The following GSG1L variants were observed in gnomAD, a reference collection of about 807,000 sequenced individuals.
GSG1L encodes the protein GSG1 like, also known as germ cell-specific gene 1-like protein.
A neutral mutation model predicts 42.1 loss-of-function variants in GSG1L; 24 were observed. The ratio of observed to expected loss-of-function variants is 0.57; its 90% CI spans 0.41 to 0.80. GSG1L has a LOEUF of 0.80. GSG1L is among the 30% of genes least tolerant of loss of function. The pLI is 0.00. For synonymous variants in GSG1L, 215 were observed against 203.5 expected (o/e 1.06, Z -0.48); for missense variants, 445 against 472.2 (o/e 0.94, Z 0.53).
At chr16:28,031,346 TGGATGAGATGGGATGGGGTG>T (rs2085961627) in intron 1 of GSG1L, among the ~76,000 whole-genome samples, 1 of 73,392 alleles carries the variant, frequency 1.4e-5, no homozygotes, top group Non-Finnish European at 2.6e-5. Context: ...GGGATGGGAT[TGGATGAGATGGGATGGGGTG>T]GGATGAGATG....
At chr16:27,908,199 C>T (rs13331007) in intron 2 of GSG1L, among the ~76,000 whole-genome samples, 60,803 of 152,216 alleles carry the variant, frequency 0.4, 13,982 homozygotes, top group East Asian at 0.6. Context: ...GGATGAAGGA[C>T]CCACTGGGCA....
intron 1 of GSG1L, among the ~76,000 whole-genome samples, chr16:28,053,721 G>A (rs987668579): frequency 6.6e-6 from 1 of 152,096 alleles, no homozygotes. Flanking sequence ...GTGAGTGCAC[G>A]TGCACATGTG....
intron 1 of GSG1L, among the ~76,000 whole-genome samples, chr16:28,057,688 C>A (rs935807707): frequency 6.6e-6 from 1 of 152,202 alleles, no homozygotes; most frequent in Admixed American, 6.5e-5. Flanking sequence ...GTCCCATTTA[C>A]CAAGTGCTGG....
chr16:27,890,570 G>C (rs1468458797), intron 2 of GSG1L, among the ~76,000 whole-genome samples: 2 of 152,210 alleles, frequency 1.3e-5, no homozygotes. Flanking sequence ...TCAGTGGGCT[G>C]TGCACCTATG....
At chr16:27,898,984 G>C (rs2084225185) in intron 2 of GSG1L, among the ~76,000 whole-genome samples, 1 of 152,170 alleles carries the variant, frequency 6.6e-6, no homozygotes. Context: ...CACCACAAAG[G>C]CTGAGGGCTA....
chr16:27,897,156 G>T (rs767604613), intron 2 of GSG1L, among the ~76,000 whole-genome samples: 1 of 152,166 alleles, frequency 6.6e-6, no homozygotes, highest in South Asian at 2.1e-4. Context: ...GGGCCACCAC[G>T]CCCAGCCAAC....
intron 3 of GSG1L, among the ~76,000 whole-genome samples, chr16:27,850,307 G>C (rs576343312): frequency 6.6e-6 from 1 of 152,100 alleles, no homozygotes; most frequent in Non-Finnish European, 1.5e-5. Context: ...GAATACAGGC[G>C]TGAGCCACCG....
At chr16:27,967,827 C>T (rs1252603677) in intron 1 of GSG1L, among the ~76,000 whole-genome samples, 1 of 152,092 alleles carries the variant, frequency 6.6e-6, no homozygotes, top group Non-Finnish European at 1.5e-5. Flanking sequence ...GCAGGAGAAT[C>T]GCTTGAATAT....
chr16:27,932,237 G>A (rs943784494), intron 2 of GSG1L, among the ~76,000 whole-genome samples: 10 of 152,142 alleles, frequency 6.6e-5, no homozygotes, highest in Non-Finnish European at 1.2e-4. Context: ...ATTTTTAGTA[G>A]AGATGGGGTT....
rs147981589 is a variant in GSG1L at position 27,794,399 on chromosome 16, C to T, written c.899-2932G>A. 1.4e-4 allele frequency among the ~76,000 whole-genome samples: 22 copies of T among 151,746 alleles called. No homozygotes were observed. The East Asian group carries it at 3.7e-3, about 25-fold the overall frequency. Reference sequence around the variant, plus strand: ...AGGCTGGAGTGCAGTGGCGCGATCTCGGCTCACTGCCAGCTCCGCTTCCCG... The same window carrying T: ...AGGCTGGAGTGCAGTGGCGCGATCTTGGCTCACTGCCAGCTCCGCTTCCCG... On this transcript the variant is annotated intron_variant, in intron 6 of 6. Transcript: ENST00000447459.
chr16:27,806,097 T>C lies in GSG1L; in HGVS notation c.898+1390A>G, dbSNP rs547370900. Among the ~76,000 whole-genome samples the C allele has an allele frequency of 4.6e-5, 7 of 152,176 alleles. No homozygotes were observed. The East Asian group carries it at 1.2e-3, about 25-fold the overall frequency. ...CGTCTCTGATGATTTCTTCACTCTG[T>C]TGTCCCTGCAGGAGGAGTTCTCCAA... On this transcript the variant is annotated intron_variant, in intron 6 of 6. Transcript: ENST00000447459.
intron 4 of GSG1L, among the ~76,000 whole-genome samples, chr16:27,836,230 A>AT (rs2083319030): frequency 6.9e-6 from 1 of 144,642 alleles, no homozygotes; most frequent in African/African-American, 2.6e-5. Flanking sequence ...TGTTGCTTGA[A>AT]TTTTTTCCCC....
intron 4 of GSG1L, 63 bp from the exon 5 acceptor site, chr16:27,829,019 C>T: frequency 6.7e-7 from 1 of 1,501,980 alleles, no homozygotes; most frequent in East Asian, 2.3e-5. Context: ...AAAAATCCCA[C>T]ACCCACCAAA....
intron 1 of GSG1L, among the ~76,000 whole-genome samples, chr16:28,041,975 C>T (rs974716729): frequency 5.9e-5 from 9 of 152,164 alleles, no homozygotes; most frequent in African/African-American, 7.2e-5. Flanking sequence ...TGGGCAAAGA[C>T]GTGGAGAAAC....
At chr16:27,869,067 CAGG>C (rs1382136989) in intron 3 of GSG1L, among the ~76,000 whole-genome samples, 2 of 152,158 alleles carry the variant, frequency 1.3e-5, no homozygotes, top group South Asian at 4.1e-4. Flanking sequence ...GTGCGACAGC[CAGG>C]AGATGGGAGC....
intron 6 of GSG1L, among the ~76,000 whole-genome samples, chr16:27,795,535 C>T (rs2082809202): frequency 6.6e-6 from 1 of 152,246 alleles, no homozygotes; most frequent in South Asian, 2.1e-4. Context: ...AAACCCTTCA[C>T]TGTCCAATCT....
At chr16:27,923,310 C>A (rs913893296) in intron 2 of GSG1L, among the ~76,000 whole-genome samples, 1 of 152,160 alleles carries the variant, frequency 6.6e-6, no homozygotes, top group Non-Finnish European at 1.5e-5. Flanking sequence ...CGAGAAGGCT[C>A]CTGCTCCCCA....
Position 27,936,638 on chromosome 16 carries a change from T to C in GSG1L, c.397+26518A>G, listed in dbSNP as rs867118761. On this transcript the variant is annotated intron_variant, in intron 2 of 6. Coordinates refer to ENST00000447459, the MANE Select transcript of GSG1L (RefSeq NM_001109763.2). ...TTGCAAATTACCCAGACACAGGTATTCCTTTACAGCAACACAAACAGACGT... is the reference window on the plus strand; with the variant it reads ...TTGCAAATTACCCAGACACAGGTATCCCTTTACAGCAACACAAACAGACGT... 7.9e-5 allele frequency among the ~76,000 whole-genome samples: 12 copies of C among 152,270 alleles called. No homozygotes were observed. In the South Asian group the frequency reaches 1.7e-3, roughly 21 times the overall value.
At chr16:27,977,971 G>A (rs961808298) in intron 1 of GSG1L, among the ~76,000 whole-genome samples, 1 of 152,228 alleles carries the variant, frequency 6.6e-6, no homozygotes, top group Non-Finnish European at 1.5e-5. Flanking sequence ...AGGAGGCCCT[G>A]ACCTCCCCTC....
Sources: gnomAD v4.1 joint callset for allele counts (sites outside exome capture counted in the v4.1 genomes callset) on GRCh38, gnomAD v4.1.1 for gene constraint, MANE v1.5 for transcripts, NCBI Gene and HGNC (gene_info 2026-07-23, HGNC 2026-07-21) for gene names.